The following BTAF1 variants were observed in gnomAD, a reference collection of about 807,000 sequenced individuals.
The protein encoded by BTAF1 is TATA-binding protein-associated factor 172.
Under a neutral mutation model 227.1 loss-of-function variants are expected in BTAF1, and 38 were observed. That is an observed-to-expected ratio of 0.17 (90% CI 0.13 to 0.22). The LOEUF is 0.22. Ranked by LOEUF, BTAF1 falls within the 10% of genes least tolerant of loss-of-function variation. The pLI, the probability that BTAF1 is intolerant of heterozygous loss-of-function variation, is 1.00. For missense variants in BTAF1, 1,598 were observed against 2,204.0 expected, an observed-to-expected ratio of 0.73 and a Z score of 5.51; for synonymous variants, 742 against 751.9, an observed-to-expected ratio of 0.99 and a Z score of 0.21.
rs1851253603 is a variant in BTAF1 at position 92,023,102 on chromosome 10, C to T, written c.4864-1654C>T. 2.0e-5 allele frequency among the ~76,000 whole-genome samples: 3 copies of T among 152,146 alleles called. No individual in the cohort carries two copies. In the South Asian group the frequency reaches 6.2e-4, roughly 31 times the overall value. On this transcript the variant is annotated intron_variant, in intron 34 of 37. Coordinates refer to ENST00000265990, the MANE Select transcript of BTAF1 (RefSeq NM_003972.3). ...CTAGCATGGATCAAAATTCCAGACC[C>T]TCAGAAGGCAGGTTTCAGCCTAAAT...
chr10:92,012,499 G>A (rs568877998), intron 30 of BTAF1, among the ~76,000 whole-genome samples: 39 of 151,132 alleles, frequency 2.6e-4, no homozygotes, highest in South Asian at 1.1e-3. Flanking sequence ...GGCTGGGCAC[G>A]GTGGCTCATG....
intron 15 of BTAF1, among the ~76,000 whole-genome samples, chr10:91,981,351 A>G (rs192699485): frequency 2.3e-4 from 35 of 152,168 alleles, no homozygotes; most frequent in Non-Finnish European, 4.6e-4. Context: ...GATTTATTTC[A>G]GTGACTTACT....
intron 24 of BTAF1, chr10:91,997,000 G>C (rs1269504657): frequency 1.4e-6 from 1 of 723,778 alleles, no homozygotes. Context: ...TATTATACTA[G>C]ATAATTAGAA....
chr10:92,015,827 G>A (rs539340019), intron 32 of BTAF1, among the ~76,000 whole-genome samples: 1 of 152,090 alleles, frequency 6.6e-6, no homozygotes, highest in South Asian at 2.1e-4. Flanking sequence ...TACAAGATAG[G>A]AACCCAGACC....
chr10:92,027,842 A>G (rs1163292131), intron 37 of BTAF1, among the ~76,000 whole-genome samples: 2 of 152,206 alleles, frequency 1.3e-5, no homozygotes, highest in Non-Finnish European at 1.5e-5. Flanking sequence ...TGTAAAACCA[A>G]TATAGTTGGA....
intron 4 of BTAF1, among the ~76,000 whole-genome samples, chr10:91,945,123 A>G (rs1845275355): frequency 6.6e-6 from 1 of 152,106 alleles, no homozygotes; most frequent in African/African-American, 2.4e-5. Context: ...TCATCATTAA[A>G]TGGCATGTGG....
intron 7 of BTAF1, 151 bp downstream of exon 7, chr10:91,956,808 G>A (rs928620345): frequency 1.3e-6 from 1 of 763,714 alleles, no homozygotes; most frequent in Non-Finnish European, 2.0e-6. Context: ...GGCCAACATG[G>A]TGAAACCCTG....
Position 91,923,782 on chromosome 10 carries a change from C to G in BTAF1, c.-295C>G, listed in dbSNP as rs1233643495. 2.6e-6 allele frequency: 1 copy of G among 390,368 alleles called. No individual in the cohort carries two copies. The highest frequency in any genetic ancestry group is 4.6e-6 in the Non-Finnish European group (1 of 218,810). 24.2% of individuals were successfully genotyped at this position (390,368 alleles called of 1,614,324 possible). ...CGCGCTGACGCTCAGTTGTGCGTGC[C>G]GACGCCCGCGTCAGCAAAGAGCGGA... On this transcript the variant is annotated 5_prime_UTR_variant, in exon 1 of 38. Coordinates refer to ENST00000265990, the MANE Select transcript of BTAF1 (RefSeq NM_003972.3).
chr10:91,965,584 G>A (rs1411726700), intron 13 of BTAF1, among the ~76,000 whole-genome samples: 1 of 152,156 alleles, frequency 6.6e-6, no homozygotes, highest in African/African-American at 2.4e-5. Flanking sequence ...AAATAATGTA[G>A]TTTTCCGTCT....
At chr10:92,004,136 T>C (rs1298032672) in intron 25 of BTAF1, among the ~76,000 whole-genome samples, 1 of 152,190 alleles carries the variant, frequency 6.6e-6, no homozygotes, top group Non-Finnish European at 1.5e-5. Flanking sequence ...TAACCTCTTA[T>C]CAAGATTTAT....
At chr10:92,017,106 T>C (rs562362729) in intron 33 of BTAF1, among the ~76,000 whole-genome samples, 1 of 152,326 alleles carries the variant, frequency 6.6e-6, no homozygotes, top group Non-Finnish European at 1.5e-5. Context: ...ACAGACTCCT[T>C]CCCTTGTAGA....
intron 4 of BTAF1, among the ~76,000 whole-genome samples, chr10:91,945,408 A>G (rs866085819): frequency 3.9e-5 from 6 of 152,156 alleles, no homozygotes; most frequent in African/African-American, 1.4e-4. Flanking sequence ...AGTCTTCATC[A>G]TGCAAAACTG....
intron 33 of BTAF1, among the ~76,000 whole-genome samples, chr10:92,016,695 C>G (rs1476205818): frequency 6.6e-6 from 1 of 152,040 alleles, no homozygotes; most frequent in Non-Finnish European, 1.5e-5. Context: ...AGGTTGATCT[C>G]AAACTCCTGA....
chr10:92,025,440 TTTTAA>T (rs1396953048), intron 35 of BTAF1, among the ~76,000 whole-genome samples: 1 of 150,996 alleles, frequency 6.6e-6, no homozygotes, highest in Non-Finnish European at 1.5e-5. Flanking sequence ...TTGCTTTTTT[TTTTAA>T]AAAAAAAATG....
chr10:91,964,157 T>C lies in BTAF1; in HGVS notation c.1485T>C (p.Thr495=). The C allele has an allele frequency of 6.2e-7, 1 of 1,612,988 alleles. No homozygotes were observed. Among genetic ancestry groups the C allele is most frequent in the Non-Finnish European group, 8.5e-7 (1 of 1,179,356 alleles). The change falls in exon 13 of 38, where the codon ACT becomes ACC. Residue 495 remains threonine, a synonymous_variant. Transcript: ENST00000265990. The part of the protein sequence containing the change: ...DLTASTNSIM[T]LLSSLLTYPQ... ...CAGCTTCAACAAATAGTATTATGAC[T>C]CTCCTTTCATCCTTGTTAACTTACC... is the stretch of plus-strand genomic sequence containing the variant.
intron 22 of BTAF1, 24 bp downstream of exon 22, chr10:91,993,871 C>T (rs1174343124): frequency 1.3e-6 from 2 of 1,520,438 alleles, no homozygotes; most frequent in South Asian, 2.6e-5. Flanking sequence ...TTTATGAGTC[C>T]AGTTTTTAAC....
rs112027641 is a variant in BTAF1 at position 91,995,312 on chromosome 10, A to AT, written c.3309+679dup. On this transcript the variant is annotated intron_variant, in intron 23 of 37. Transcript: ENST00000265990. ...TCTATGAGAGGGTGGAGAAGAATGGATTTTTTTTTTTGTACATAGTAATAA... is the reference window on the plus strand; with the variant it reads ...TCTATGAGAGGGTGGAGAAGAATGGATTTTTTTTTTTTGTACATAGTAATAA... Among the ~76,000 whole-genome samples the AT allele has an allele frequency of 4.9e-4, 73 of 147,834 alleles. 1 individual carries two copies. Among genetic ancestry groups the AT allele is most frequent in the Middle Eastern group, 3.5e-3 (1 of 286 alleles).
chr10:91,941,604 G>A (rs1000311661), intron 3 of BTAF1, among the ~76,000 whole-genome samples: 1 of 152,142 alleles, frequency 6.6e-6, no homozygotes, highest in African/African-American at 2.4e-5. Context: ...CCTGTTGAGT[G>A]CATAGTTGCT....
At chr10:91,953,908 A>G (rs1265799569) in intron 6 of BTAF1, 35 bp downstream of exon 6, 1 of 1,609,742 alleles carries the variant, frequency 6.2e-7, no homozygotes, top group African/African-American at 1.3e-5. Context: ...ACTTAAAACA[A>G]GAGGGCTCTG....
Sources: gnomAD v4.1 joint callset for allele counts (sites outside exome capture counted in the v4.1 genomes callset) on GRCh38, gnomAD v4.1.1 for gene constraint, MANE v1.5 for transcripts, NCBI Gene and HGNC (gene_info 2026-07-23, HGNC 2026-07-21) for gene names.